Variants in APOLD1 observed in about 807,000 individuals in gnomAD.
The protein encoded by APOLD1 is apolipoprotein L domain containing 1, also known as apolipoprotein L domain-containing protein 1.
A neutral mutation model predicts 15.3 loss-of-function variants in APOLD1; 22 were observed. The ratio of observed to expected loss-of-function variants is 1.44; its 90% CI spans 1.03 to 2.05. The LOEUF (loss-of-function observed/expected upper bound fraction) is 2.05, where lower values mean the gene tolerates loss of function less well. APOLD1 is among the 30% of genes most tolerant of loss of function. The pLI, the probability that APOLD1 is intolerant of heterozygous loss-of-function variation, is 0.00. For synonymous variants in APOLD1, 190 were observed against 167.4 expected (o/e 1.13, Z -1.04); for missense variants, 394 against 353.5 (o/e 1.11, Z -0.92).
At chr12:12,768,737 T>A (rs1696993689) in intron 1 of APOLD1, among the ~76,000 whole-genome samples, 1 of 151,468 alleles carries the variant, frequency 6.6e-6, no homozygotes, top group Non-Finnish European at 1.5e-5. Flanking sequence ...GACTTAGGAC[T>A]CAAACTCCTC....
At position 12,789,027 on chromosome 12, in the gene APOLD1, G is replaced by A. The variant is rs1319733970; in HGVS notation, c.*1375G>A. ...TAGAAACTGGTACAGAAAGGAATATGAAGTTCCTGAAACTGACCTTTGTCT... is the reference window on the plus strand; with the variant it reads ...TAGAAACTGGTACAGAAAGGAATATAAAGTTCCTGAAACTGACCTTTGTCT... On this transcript the variant is annotated 3_prime_UTR_variant, in exon 2 of 2. Transcript: ENST00000356591. The A allele has an allele frequency of 6.7e-6, 1 of 149,926 alleles. No homozygotes were observed. Among genetic ancestry groups the A allele is most frequent in the Non-Finnish European group, 1.5e-5 (1 of 67,122 alleles). 9.3% of individuals were successfully genotyped at this position (149,926 alleles called of 1,614,324 possible).
At chr12:12,736,345 C>G (rs1946685217) in intron 1 of APOLD1, among the ~76,000 whole-genome samples, 1 of 130,678 alleles carries the variant, frequency 7.7e-6, no homozygotes, top group Non-Finnish European at 1.6e-5. Flanking sequence ...GAGTGAGAGT[C>G]TGTCTCAAAA....
chr12:12,758,225 C>T (rs921525971), intron 1 of APOLD1, among the ~76,000 whole-genome samples: 3 of 151,424 alleles, frequency 2.0e-5, no homozygotes, highest in African/African-American at 7.3e-5. Flanking sequence ...TGTGAACCAC[C>T]ACGCCTGAAC....
At chr12:12,781,819 G>A (rs1466582270), upstream of APOLD1, among the ~76,000 whole-genome samples, 2 of 151,446 alleles carry the variant, frequency 1.3e-5, no homozygotes, top group South Asian at 2.1e-4. Context: ...GAGCCACCGC[G>A]CCCGGCATAC....
At chr12:12,758,365 T>C (rs1212339091) in intron 1 of APOLD1, among the ~76,000 whole-genome samples, 1 of 151,930 alleles carries the variant, frequency 6.6e-6, no homozygotes, top group East Asian at 2.0e-4. Flanking sequence ...GTCAACATGG[T>C]GAAACCTTGT....
chr12:12,764,727 C>A, intron 1 of APOLD1: 1 of 504,114 alleles, frequency 2.0e-6, no homozygotes, highest in South Asian at 1.5e-5. Flanking sequence ...TCCTTCTTTG[C>A]CACTCATACA....
chr12:12,738,202 C>CTTTTTT (rs71436733), intron 1 of APOLD1, among the ~76,000 whole-genome samples: 27 of 117,546 alleles, frequency 2.3e-4, no homozygotes, highest in Non-Finnish European at 3.7e-4. Flanking sequence ...CAAGCAAGTC[C>CTTTTTT]TTTTTTTTTT....
chr12:12,759,982 G>A (rs925663526), intron 1 of APOLD1, among the ~76,000 whole-genome samples: 8 of 152,040 alleles, frequency 5.3e-5, no homozygotes, highest in South Asian at 4.1e-4. Context: ...ACATGATGTC[G>A]GAACTATACA....
chr12:12,742,474 G>A (rs1285425973), intron 1 of APOLD1, among the ~76,000 whole-genome samples: 1 of 152,120 alleles, frequency 6.6e-6, no homozygotes, highest in Non-Finnish European at 1.5e-5. Flanking sequence ...GTAGATAAGA[G>A]GGCCCTGGTC....
At chr12:12,739,165 A>C (rs1186335318) in intron 1 of APOLD1, among the ~76,000 whole-genome samples, 1 of 152,204 alleles carries the variant, frequency 6.6e-6, no homozygotes, top group Non-Finnish European at 1.5e-5. Context: ...CTGAATGCGG[A>C]GAATACACAT....
At chr12:12,762,344 T>C (rs1946907654) in intron 1 of APOLD1, among the ~76,000 whole-genome samples, 3 of 151,960 alleles carry the variant, frequency 2.0e-5, no homozygotes, top group Admixed American at 2.0e-4. Flanking sequence ...CTTTTTAAAA[T>C]TAATTAATTT....
chr12:12,742,159 T>G (rs1256208668), intron 1 of APOLD1, among the ~76,000 whole-genome samples: 1 of 152,158 alleles, frequency 6.6e-6, no homozygotes, highest in Non-Finnish European at 1.5e-5. Flanking sequence ...TTTCTACTTC[T>G]CTGCACCTTA....
rs1176957705 is a variant in APOLD1 at position 12,790,481 on chromosome 12, G to A, written c.*2829G>A. On this transcript the variant is annotated 3_prime_UTR_variant, in exon 2 of 2. Coordinates refer to ENST00000356591, the MANE Select transcript of APOLD1 (RefSeq NM_030817.3). Reference sequence around the variant, plus strand: ...TAAGTTTAAATTATATTCTTCCAATGCCTAAGCTATTCCCTAGAATTAAAC... The same window carrying A: ...TAAGTTTAAATTATATTCTTCCAATACCTAAGCTATTCCCTAGAATTAAAC... 6.6e-6 allele frequency: 1 copy of A among 152,140 alleles called. No homozygotes were observed. Among genetic ancestry groups the A allele is most frequent in the Non-Finnish European group, 1.5e-5 (1 of 68,032 alleles). The allele number at this position is 152,140 out of a possible 1,614,324, so 9.4% of individuals were successfully genotyped here. A position where few individuals can be genotyped will look rare whatever the true frequency, so the allele number is the denominator to read the frequency against.
At chr12:12,736,179 G>A (rs1565426021) in intron 1 of APOLD1, among the ~76,000 whole-genome samples, 1 of 151,914 alleles carries the variant, frequency 6.6e-6, no homozygotes, top group Admixed American at 6.6e-5. Flanking sequence ...GTGAAACCCC[G>A]TCTCTACTAA....
chr12:12,782,208 G>A (rs1473030505), upstream of APOLD1, among the ~76,000 whole-genome samples: 2 of 151,990 alleles, frequency 1.3e-5, no homozygotes, highest in Non-Finnish European at 2.9e-5. Context: ...GCAGTGAGCC[G>A]AGATCGCACC....
rs1350559235 is a variant in APOLD1 at position 12,786,947 on chromosome 12, C to G, written c.42C>G (p.Pro14=). Residue 14 remains proline (P), a synonymous_variant, in exon 2 of 2, where the codon CCC becomes CCG. Coordinates refer to ENST00000356591, the MANE Select transcript of APOLD1 (RefSeq NM_030817.3). ...CGGCGGCCCGGGAGCCGCATGGGCC[C>G]GACGCGCTGCGGCGCTTCCAGGGAC... ...ERPAAREPHG[P]DALRRFQGLL... 3 of 1,459,102 alleles carry G rather than the reference C, an allele frequency of 2.1e-6. No individual in the cohort carries two copies. Among genetic ancestry groups the G allele is most frequent in the East Asian group, 3.0e-5 (1 of 33,330 alleles). The allele number at this position is 1,459,102 out of a possible 1,614,324, so 90.4% of individuals were successfully genotyped here.
intron 1 of APOLD1, among the ~76,000 whole-genome samples, chr12:12,773,818 A>AGGAGCAAAAGCAAGACAAT (rs1258188503): frequency 6.6e-6 from 1 of 152,222 alleles, no homozygotes; most frequent in Non-Finnish European, 1.5e-5. Context: ...CCTTTGACAA[A>AGGAGCAAAAGCAAGACAAT]GGAGCAAAAG....
At chr12:12,747,734 T>C (rs1946777634) in intron 1 of APOLD1, among the ~76,000 whole-genome samples, 1 of 152,182 alleles carries the variant, frequency 6.6e-6, no homozygotes, top group South Asian at 2.1e-4. Context: ...GGGCCCTTCT[T>C]GCAACATTTG....
At chr12:12,730,075 T>TGA (rs1245594942) in intron 1 of APOLD1, among the ~76,000 whole-genome samples, 2 of 46,206 alleles carry the variant, frequency 4.3e-5, no homozygotes, top group South Asian at 6.6e-4. Flanking sequence ...TGTGTGTGTG[T>TGA]GTGAGAGAGA....
Sources: allele counts gnomAD v4.1 joint callset (sites outside exome capture counted in the v4.1 genomes callset), GRCh38; gene constraint gnomAD v4.1.1; transcripts MANE v1.5; gene names NCBI Gene and HGNC (gene_info 2026-07-23, HGNC 2026-07-21).